ZNF248: variants seen among roughly 807,000 people sequenced by gnomAD.
ZNF248 encodes the protein KRAB protein domain.
Under a neutral mutation model 44.3 loss-of-function variants are expected in ZNF248, and 20 were observed. The observed-to-expected ratio is 0.45, with a 90% CI of 0.32 to 0.66. The LOEUF is 0.66. Among genes scored for constraint, ZNF248 ranks in the 30% least tolerant of loss-of-function variants. The pLI, the probability that ZNF248 is intolerant of heterozygous loss-of-function variation, is 0.04. For synonymous variants in ZNF248, 224 were observed against 229.0 expected (o/e 0.98, Z 0.20); for missense variants, 654 against 677.0 (o/e 0.97, Z 0.38).
At chr10:37,826,247 A>G (rs1371214321), downstream of ZNF248, among the ~76,000 whole-genome samples, 1 of 152,184 alleles carries the variant, frequency 6.6e-6, no homozygotes, top group Non-Finnish European at 1.5e-5. Context: ...TCCCTGGTAA[A>G]ACTATCATGA....
In ZNF248 at chr10:37,834,046, C is replaced by T. The variant is rs137868768; in HGVS notation, c.239-930G>A. On this transcript the variant is annotated intron_variant, in intron 5 of 5. Coordinates refer to ENST00000395867, the MANE Select transcript of ZNF248 (RefSeq NM_021045.3). The stretch of plus-strand genomic sequence containing the variant: ...TTAGACTCTCAGAAATTGCTCATCC[C>T]TAATAACATACCTTCCACTCAACTA... Among the ~76,000 whole-genome samples the T allele has an allele frequency of 9.3e-3, 1,420 of 152,166 alleles. 8 individuals are homozygous for T. Among genetic ancestry groups the T allele is most frequent in the Middle Eastern group, 0.02 (6 of 294 alleles).
downstream of ZNF248, among the ~76,000 whole-genome samples, chr10:37,824,967 C>T (rs552415069): frequency 1.3e-3 from 189 of 150,682 alleles, 2 homozygotes; most frequent in African/African-American, 4.3e-3. Context: ...GGATTACAGA[C>T]GTGAGCCACC....
chr10:37,802,373 C>A (rs1208677), intron 6 of ZNF248, among the ~76,000 whole-genome samples: 9,123 of 152,208 alleles, frequency 0.06, 352 homozygotes, highest in Middle Eastern at 0.095. Flanking sequence ...GGGGAATGTC[C>A]CTTTAACCCT....
intron 6 of ZNF248, among the ~76,000 whole-genome samples, chr10:37,809,109 C>T (rs1448942833): frequency 2.0e-5 from 3 of 152,040 alleles, no homozygotes; most frequent in African/African-American, 7.2e-5. Flanking sequence ...TAGTTTGAGT[C>T]ATTTTCTTAG....
In ZNF248 at chr10:37,830,688, T is replaced by G. The variant is rs1767027986; in HGVS notation, c.*927A>C. The G allele has an allele frequency of 7.0e-6, 6 of 856,704 alleles. No homozygotes were observed. In the South Asian group the frequency reaches 2.1e-4, roughly 31 times the overall value. The allele number at this position is 856,704 out of a possible 1,614,324, so 53.1% of individuals were successfully genotyped here. A position where few individuals can be genotyped will look rare whatever the true frequency, so the allele number is the denominator to read the frequency against. ...CTGATTTATAGTTTGTCAATTTCCA[T>G]GGTGTAAACACTCCCACTAAGTCCA... On this transcript the variant is annotated 3_prime_UTR_variant, in exon 6 of 6. Transcript: ENST00000395867.
At chr10:37,806,270 C>A (rs2050547708) in intron 6 of ZNF248, among the ~76,000 whole-genome samples, 1 of 152,190 alleles carries the variant, frequency 6.6e-6, no homozygotes, top group African/African-American at 2.4e-5. Context: ...TTATGAGCAA[C>A]TGCCATAATA....
intron 3 of ZNF248, among the ~76,000 whole-genome samples, chr10:37,844,402 T>C (rs1169104821): frequency 1.3e-5 from 2 of 151,894 alleles, no homozygotes; most frequent in Non-Finnish European, 2.9e-5. Flanking sequence ...CAACGCCGTA[T>C]GAAGAAATAA....
intron 6 of ZNF248, chr10:37,820,406 G>T: frequency 6.6e-7 from 1 of 1,517,966 alleles, no homozygotes; most frequent in Non-Finnish European, 9.1e-7. Context: ...TGAGGCTGTT[G>T]GCAGAGCAGA....
At chr10:37,826,784 A>G (rs2054456528), downstream of ZNF248, among the ~76,000 whole-genome samples, 1 of 152,228 alleles carries the variant, frequency 6.6e-6, no homozygotes, top group Non-Finnish European at 1.5e-5. Flanking sequence ...AATTCCAGGC[A>G]ACAAATCTCT....
At chr10:37,793,583 C>A (rs2048808597) in intron 6 of ZNF248, among the ~76,000 whole-genome samples, 1 of 152,034 alleles carries the variant, frequency 6.6e-6, no homozygotes, top group South Asian at 2.1e-4. Context: ...TTCAGTGGGT[C>A]TAGTTCTAAT....
chr10:37,846,584 T>C (rs969301415), intron 3 of ZNF248, among the ~76,000 whole-genome samples: 23 of 152,112 alleles, frequency 1.5e-4, no homozygotes, highest in African/African-American at 5.3e-4. Flanking sequence ...AATTCAAGGC[T>C]GGAGTGAGCC....
In ZNF248 at chr10:37,830,036, A is replaced by G. The variant is rs2055202601; in HGVS notation, c.*1579T>C. On this transcript the variant is annotated 3_prime_UTR_variant, in exon 6 of 6. Coordinates refer to ENST00000395867, the MANE Select transcript of ZNF248 (RefSeq NM_021045.3). ...TGTGTTCCAAGGGGGCAAAAGAAAC[A>G]ACAGGACAAGGGAGGCAGAGATACT... 4.1e-6 allele frequency: 4 copies of G among 985,318 alleles called. No homozygotes were observed. The highest frequency in any genetic ancestry group is 4.8e-6 in the Non-Finnish European group (4 of 829,950). 61.0% of individuals were successfully genotyped at this position (985,318 alleles called of 1,614,324 possible).
chr10:37,837,779 T>C (rs1319917420), intron 4 of ZNF248, 67 bp from the exon 5 acceptor site: 4 of 1,475,512 alleles, frequency 2.7e-6, no homozygotes, highest in South Asian at 1.2e-5. Context: ...GAATACATCA[T>C]GGGGAAGAAA....
At chr10:37,839,718 C>T (rs1030344863) in intron 3 of ZNF248, among the ~76,000 whole-genome samples, 1 of 152,096 alleles carries the variant, frequency 6.6e-6, no homozygotes, top group Non-Finnish European at 1.5e-5. Context: ...TGGAAATATA[C>T]ACCATAATTG....
At chr10:37,849,324 A>C (rs556030881) in intron 3 of ZNF248, among the ~76,000 whole-genome samples, 4 of 152,060 alleles carry the variant, frequency 2.6e-5, no homozygotes, top group South Asian at 4.1e-4. Context: ...AAAAAAAAGG[A>C]AAGAAATTTA....
Position 37,846,158 on chromosome 10 carries a change from T to C in ZNF248, c.16-8047A>G, listed in dbSNP as rs530355323. ...TCCTTGCCCAATGCCCTGCAATAAA[T>C]GCCTCCATTTCTCTTGCTGCAAATC... is the stretch of plus-strand genomic sequence containing the variant. On this transcript the variant is annotated intron_variant, in intron 3 of 5. Transcript: ENST00000395867. 2.0e-5 allele frequency among the ~76,000 whole-genome samples: 3 copies of C among 152,334 alleles called. No individual in the cohort carries two copies. In the South Asian group the frequency reaches 6.2e-4, roughly 32 times the overall value.
Position 37,831,177 on chromosome 10 carries a change from T to A in ZNF248, c.*438A>T. On this transcript the variant is annotated 3_prime_UTR_variant, in exon 6 of 6. Coordinates refer to ENST00000395867, the MANE Select transcript of ZNF248 (RefSeq NM_021045.3). The stretch of plus-strand genomic sequence containing the variant: ...TACGTATCTTCTCCTTATGATCATG[T>A]TGAGTTCCAATATACAAATCAAGCA... The A allele has an allele frequency of 2.0e-6, 3 of 1,533,364 alleles. No individual in the cohort carries two copies. The Admixed American group carries it at 6.2e-5, about 31-fold the overall frequency. The allele number at this position is 1,533,364 out of a possible 1,614,324, so 95.0% of individuals were successfully genotyped here.
At chr10:37,808,386 G>A (rs772370183) in intron 6 of ZNF248, among the ~76,000 whole-genome samples, 1 of 151,336 alleles carries the variant, frequency 6.6e-6, no homozygotes, top group Non-Finnish European at 1.5e-5. Flanking sequence ...AGGTTCAAGC[G>A]ATTCCCCTGC....
intron 6 of ZNF248, among the ~76,000 whole-genome samples, chr10:37,790,279 A>G (rs1251977110): frequency 1.3e-5 from 2 of 151,018 alleles, no homozygotes; most frequent in East Asian, 3.9e-4. Flanking sequence ...TCAAAAAAAA[A>G]AAAAAAAAAA....
Sources: allele counts gnomAD v4.1 joint callset (sites outside exome capture counted in the v4.1 genomes callset), GRCh38; gene constraint gnomAD v4.1.1; transcripts MANE v1.5; gene names NCBI Gene and HGNC (gene_info 2026-07-23, HGNC 2026-07-21).